SLC12A1: variants seen among roughly 807,000 people sequenced by gnomAD.
SLC12A1 encodes solute carrier family 12 member 1.
SLC12A1 carries 89 observed loss-of-function variants against 130.4 expected under a neutral mutation model. That is an observed-to-expected ratio of 0.68 (90% CI 0.58 to 0.81). SLC12A1 has a LOEUF of 0.81. SLC12A1 is among the 40% of genes least tolerant of loss of function. The pLI, the probability that SLC12A1 is intolerant of heterozygous loss-of-function variation, is 0.00. For synonymous variants in SLC12A1, 499 were observed against 460.0 expected (o/e 1.08, Z -1.09); for missense variants, 1,310 against 1,336.4 (o/e 0.98, Z 0.31).
At chr15:48,287,369 T>C (rs1033683373) in intron 21 of SLC12A1, among the ~76,000 whole-genome samples, 1 of 152,132 alleles carries the variant, frequency 6.6e-6, no homozygotes, top group African/African-American at 2.4e-5. Context: ...TAAGGTTTTT[T>C]TTTTTTCATC....
intron 20 of SLC12A1, among the ~76,000 whole-genome samples, chr15:48,275,593 A>AGTTGAGGGAG (rs2041943911): frequency 6.6e-6 from 1 of 152,182 alleles, no homozygotes; most frequent in Non-Finnish European, 1.5e-5. Context: ...AACCAGACAA[A>AGTTGAGGGAG]GTTGAGGGAG....
intron 24 of SLC12A1, among the ~76,000 whole-genome samples, chr15:48,294,138 G>A (rs1378915580): frequency 6.6e-6 from 1 of 151,722 alleles, no homozygotes; most frequent in East Asian, 1.9e-4. Flanking sequence ...CAGCTGAAGT[G>A]AGGAGTTTGA....
chr15:48,302,661 C>T, intron 26 of SLC12A1, 89 bp from the exon 27 acceptor site: 3 of 601,432 alleles, frequency 5.0e-6, no homozygotes, highest in Non-Finnish European at 2.7e-6. Context: ...TTAAGGCTGC[C>T]AGTTATTAAA....
chr15:48,213,897 T>C (rs2041086836), intron 2 of SLC12A1, among the ~76,000 whole-genome samples: 2 of 152,184 alleles, frequency 1.3e-5, no homozygotes, highest in Non-Finnish European at 2.9e-5. Context: ...TTAACAAACA[T>C]TAAACCACAT....
At chr15:48,282,975 A>G (rs1357958293) in intron 20 of SLC12A1, among the ~76,000 whole-genome samples, 1 of 152,176 alleles carries the variant, frequency 6.6e-6, no homozygotes, top group Admixed American at 6.5e-5. Flanking sequence ...TTCATCTACA[A>G]AATGAAGATG....
intron 15 of SLC12A1, among the ~76,000 whole-genome samples, chr15:48,253,065 T>TCAGTG (rs2041666053): frequency 6.6e-6 from 1 of 152,206 alleles, no homozygotes; most frequent in Non-Finnish European, 1.5e-5. Flanking sequence ...GGGGCTGCAG[T>TCAGTG]CAGTGCAGTG....
intron 9 of SLC12A1, among the ~76,000 whole-genome samples, chr15:48,236,323 T>C (rs950873089): frequency 1.3e-5 from 2 of 152,196 alleles, no homozygotes; most frequent in African/African-American, 4.8e-5. Flanking sequence ...AAGGAAATAA[T>C]TTTTGAACCT....
intron 5 of SLC12A1, 85 bp from the exon 6 acceptor site, chr15:48,229,104 T>G (rs1434780930): frequency 7.2e-7 from 1 of 1,390,646 alleles, no homozygotes; most frequent in African/African-American, 1.4e-5. Flanking sequence ...TAATTCACAC[T>G]GTAAATGTTC....
rs145711021 is a variant in SLC12A1 at position 48,248,997 on chromosome 15, T to C, written c.1685-578T>C. Among the ~76,000 whole-genome samples, 40 of 152,322 alleles carry C rather than the reference T, an allele frequency of 2.6e-4. No homozygotes were observed. In the East Asian group the frequency reaches 7.7e-3, roughly 29 times the overall value. Reference sequence around the variant, plus strand: ...AGGCAGAGGTTGCAGTGAGCCGAGATTGTGCCATTGCACTCCAGGGTGACA... The same window carrying C: ...AGGCAGAGGTTGCAGTGAGCCGAGACTGTGCCATTGCACTCCAGGGTGACA... On this transcript the variant is annotated intron_variant, in intron 13 of 26. Coordinates refer to ENST00000380993, the MANE Select transcript of SLC12A1 (RefSeq NM_000338.3).
At chr15:48,269,287 T>C (rs1487241315) in intron 18 of SLC12A1, among the ~76,000 whole-genome samples, 2 of 152,216 alleles carry the variant, frequency 1.3e-5, no homozygotes, top group Admixed American at 6.6e-5. Context: ...AATGACATTA[T>C]GGATATAACA....
chr15:48,296,058 C>T (rs2042174880), intron 24 of SLC12A1, among the ~76,000 whole-genome samples: 1 of 152,196 alleles, frequency 6.6e-6, no homozygotes, highest in African/African-American at 2.4e-5. Context: ...GACCCAGGGG[C>T]TAAGGCTTAG....
rs750169855 is a variant in SLC12A1, at chr15:48,244,878, C to G, written c.1426C>G (p.Gln476Glu). 19 of 1,613,916 alleles carry G rather than the reference C, an allele frequency of 1.2e-5. No individual in the cohort carries two copies. The highest frequency in any genetic ancestry group is 1.5e-5 in the Non-Finnish European group (18 of 1,179,854). ...CTCAAGATGTCGACATGAACCATGTCAGTACGGGCTGATGAACAATTTCCA... is the reference window on the plus strand; with the variant it reads ...CTCAAGATGTCGACATGAACCATGTGAGTACGGGCTGATGAACAATTTCCA... ...DFSRCRHEPC[Q>E]YGLMNNFQVM... Residue 476 changes from glutamine (Q) to glutamate (E), a missense_variant, in exon 11 of 27, where the codon CAG (glutamine) becomes GAG (glutamate). Physicochemically the swap from Gln to Glu is conservative, Grantham distance 29. Coordinates refer to ENST00000380993, the MANE Select transcript of SLC12A1 (RefSeq NM_000338.3).
rs772354744 is a variant in SLC12A1 at position 48,299,232 on chromosome 15, C to T, written c.3053C>T (p.Pro1018Leu). 100 of 1,607,002 alleles carry T rather than the reference C, an allele frequency of 6.2e-5. No individual in the cohort carries two copies. Among genetic ancestry groups the T allele is most frequent in the East Asian group, 9.0e-5 (4 of 44,590 alleles). ...GCTGAGAAATTAAAAAGAGAAACTC[C>T]GTGGAAAATTACAGATGCAGAACTG... The part of the protein sequence containing the change: ...TTAEKLKRET[P>L]WKITDAELEA... Residue 1018 changes from proline to leucine, a missense_variant, in exon 25 of 27, where the codon CCG (proline) becomes CTG (leucine). Pro to Leu is a moderately conservative substitution (Grantham distance 98). Transcript: ENST00000380993.
chr15:48,243,291 G>C (rs75452108), intron 10 of SLC12A1, among the ~76,000 whole-genome samples: 3,597 of 152,076 alleles, frequency 0.024, 143 homozygotes, highest in African/African-American at 0.084. Flanking sequence ...GCAGAGGCTG[G>C]CAGGCTACCT....
intron 2 of SLC12A1, among the ~76,000 whole-genome samples, chr15:48,216,671 A>T (rs1439337789): frequency 6.6e-6 from 1 of 152,190 alleles, no homozygotes. Context: ...AATTTTTTTT[A>T]AAGTTTTTCT....
In SLC12A1 at chr15:48,279,524, C is replaced by T. The variant is rs2041989402; in HGVS notation, c.2485+4871C>T. On this transcript the variant is annotated intron_variant, in intron 20 of 26. Transcript: ENST00000380993. Reference sequence around the variant, plus strand: ...GAATAACTTTTAATATAAATAAGATCGATGCTCATAACATTGTAACTTGTA... The same window carrying T: ...GAATAACTTTTAATATAAATAAGATTGATGCTCATAACATTGTAACTTGTA... Among the ~76,000 whole-genome samples, 5 of 152,228 alleles carry T rather than the reference C, an allele frequency of 3.3e-5. No homozygotes were observed. In the South Asian group the frequency reaches 1.0e-3, roughly 32 times the overall value.
intron 9 of SLC12A1, among the ~76,000 whole-genome samples, chr15:48,238,407 G>C (rs923092668): frequency 3.3e-5 from 5 of 152,152 alleles, no homozygotes; most frequent in Admixed American, 2.6e-4. Context: ...AGACAGAAGA[G>C]GTTTGAGGCA....
At chr15:48,257,744 C>T (rs142316064) in intron 16 of SLC12A1, among the ~76,000 whole-genome samples, 1 of 152,184 alleles carries the variant, frequency 6.6e-6, no homozygotes, top group Non-Finnish European at 1.5e-5. Context: ...ATATTTCCCT[C>T]CTGGGCCTCC....
Position 48,220,964 on chromosome 15 carries a change from G to C in SLC12A1, c.596G>C (p.Arg199Pro), listed in dbSNP as rs2041205830. The stretch of plus-strand genomic sequence containing the variant: ...ATCTGGGGAGTCATGCTCTTCATTC[G>C]CCTCTCCTGGATTGTTGGAGAAGCT... ...LNIWGVMLFIRLSWIVGEAGI... is the reference protein window; with the variant it reads ...LNIWGVMLFIPLSWIVGEAGI... Residue 199 changes from arginine to proline, a missense_variant, in exon 4 of 27, where the codon CGC becomes CCC. Arg to Pro is a moderately radical substitution (Grantham distance 103, BLOSUM62 -2). Coordinates refer to ENST00000380993, the MANE Select transcript of SLC12A1 (RefSeq NM_000338.3). 1 of 1,613,874 alleles carries C rather than the reference G, an allele frequency of 6.2e-7. No homozygotes were observed. Among genetic ancestry groups the C allele is most frequent in the African/African-American group, 1.3e-5 (1 of 75,012 alleles).
Sources: allele counts gnomAD v4.1 joint callset (sites outside exome capture counted in the v4.1 genomes callset), GRCh38; gene constraint gnomAD v4.1.1; transcripts MANE v1.5; gene names NCBI Gene and HGNC (gene_info 2026-07-23, HGNC 2026-07-21).